The following ZNF567 variants were observed in gnomAD, a reference collection of about 807,000 sequenced individuals.
ZNF567 encodes zinc finger protein 567.
ZNF567 carries 36 observed loss-of-function variants against 53.9 expected under a neutral mutation model. The observed-to-expected ratio is 0.67, with a 90% CI of 0.51 to 0.88. The LOEUF (loss-of-function observed/expected upper bound fraction) is 0.88, where lower values mean the gene tolerates loss of function less well. Among genes scored for constraint, ZNF567 ranks in the 40% least tolerant of loss-of-function variants. The pLI is 0.00. For missense variants in ZNF567, 619 were observed against 764.7 expected, an observed-to-expected ratio of 0.81 and a Z score of 2.25; for synonymous variants, 224 against 260.4, an observed-to-expected ratio of 0.86 and a Z score of 1.35.
In ZNF567 at chr19:36,719,299, G is replaced by C; in HGVS notation, c.575G>C (p.Ser192Thr). Residue 192 changes from serine (S) to threonine (T), a missense_variant, in exon 6 of 6, where the codon AGT (serine) becomes ACT (threonine). By Grantham distance (58) the Ser-to-Thr change is moderately conservative. Coordinates refer to ENST00000682579, the MANE Select transcript of ZNF567 (RefSeq NM_001322917.1). ...KSHNQSARAFSHNEVLMQYQK... is the reference protein window; with the variant it reads ...KSHNQSARAFTHNEVLMQYQK... ...CATAATCAAAGTGCCAGAGCTTTCA[G>C]TCATAATGAAGTTCTTATGCAGTAT... 1 of 1,613,868 alleles carries C rather than the reference G, an allele frequency of 6.2e-7. No homozygotes were observed. The highest frequency in any genetic ancestry group is 2.2e-5 in the East Asian group (1 of 44,844).
At chr19:36,682,483 T>C in the ZNF567 span, among the ~76,000 whole-genome samples, 1,457 of 151,552 alleles carry the variant, frequency 9.6e-3, 12 homozygotes, top group Non-Finnish European at 0.014. Context: ...GTCAAACTAA[T>C]GGTTAACTTT....
intron 3 of ZNF567, 54 bp from the exon 4 acceptor site, chr19:36,712,332 A>T: frequency 6.4e-7 from 1 of 1,570,540 alleles, no homozygotes; most frequent in Non-Finnish European, 8.7e-7. Flanking sequence ...ACAGGCATGA[A>T]CCACTGTACC....
chr19:36,674,385 T>C, the ZNF567 span, among the ~76,000 whole-genome samples: 9 of 152,220 alleles, frequency 5.9e-5, no homozygotes, highest in Admixed American at 4.6e-4. Flanking sequence ...GTACAGGTGA[T>C]AACCCTGGGA....
chr19:36,682,613 A>T (rs2091262), upstream of ZNF567, among the ~76,000 whole-genome samples: 68,063 of 130,096 alleles, frequency 0.52, 18,405 homozygotes, highest in East Asian at 0.67. Context: ...TATTATTATT[A>T]TTTTTTTTTT....
chr19:36,721,663 T>G (rs1017073214), downstream of ZNF567, among the ~76,000 whole-genome samples: 2 of 151,834 alleles, frequency 1.3e-5, no homozygotes, highest in Non-Finnish European at 2.9e-5. Context: ...ATCAAGGAAT[T>G]AGAATTCATA....
At chr19:36,725,752 G>A (rs968389670), downstream of ZNF567, among the ~76,000 whole-genome samples, 6 of 152,030 alleles carry the variant, frequency 3.9e-5, no homozygotes, top group African/African-American at 1.4e-4. Flanking sequence ...GGATTTAAGC[G>A]ATCCTCCCAC....
chr19:36,688,741 A>G (rs2038410188), intron 1 of ZNF567, among the ~76,000 whole-genome samples: 1 of 148,216 alleles, frequency 6.7e-6, no homozygotes, highest in Admixed American at 6.8e-5. Context: ...CGGGAGGCGG[A>G]GCTTGCAGTG....
upstream of ZNF567, chr19:36,685,594 T>C (rs2038249723): frequency 6.6e-6 from 1 of 152,154 alleles, no homozygotes; most frequent in Non-Finnish European, 1.5e-5. Flanking sequence ...AATACTAAGA[T>C]AGACAAATGC....
chr19:36,718,505 AAAT>A (rs1240343894), intron 5 of ZNF567, among the ~76,000 whole-genome samples: 2 of 152,218 alleles, frequency 1.3e-5, no homozygotes, highest in Non-Finnish European at 2.9e-5. Context: ...TCTCAAAAAA[AAAT>A]AATAATAATT....
upstream of ZNF567, chr19:36,686,622 A>G (rs1040323012): frequency 6.6e-6 from 1 of 152,216 alleles, no homozygotes; most frequent in African/African-American, 2.4e-5. Context: ...CCTCTGAGGA[A>G]GGAATCCTAC....
At chr19:36,684,038 G>GT (rs2038226241), upstream of ZNF567, among the ~76,000 whole-genome samples, 1 of 152,124 alleles carries the variant, frequency 6.6e-6, no homozygotes, top group Non-Finnish European at 1.5e-5. Flanking sequence ...CATGTGCACA[G>GT]AAAAGGCATA....
At chr19:36,682,613 A>ATT (rs997139672), upstream of ZNF567, among the ~76,000 whole-genome samples, 7 of 130,700 alleles carry the variant, frequency 5.4e-5, no homozygotes, top group Non-Finnish European at 9.5e-5. Context: ...TATTATTATT[A>ATT]TTTTTTTTTT....
intron 3 of ZNF567, among the ~76,000 whole-genome samples, chr19:36,710,595 A>G (rs1185876770): frequency 6.6e-6 from 1 of 152,096 alleles, no homozygotes; most frequent in Non-Finnish European, 1.5e-5. Context: ...TTAGTTCTTC[A>G]AGCTTCTAGC....
chr19:36,724,654 C>G (rs1309369550), downstream of ZNF567, among the ~76,000 whole-genome samples: 1 of 147,654 alleles, frequency 6.8e-6, no homozygotes, highest in East Asian at 2.0e-4. Flanking sequence ...TGCACTCCAG[C>G]CTGCGCGAAA....
chr19:36,699,514 G>A (rs1019154072), intron 3 of ZNF567, among the ~76,000 whole-genome samples: 1 of 152,284 alleles, frequency 6.6e-6, no homozygotes, highest in Non-Finnish European at 1.5e-5. Flanking sequence ...ACCTTGGTCA[G>A]TATGGCCATT....
upstream of ZNF567, among the ~76,000 whole-genome samples, chr19:36,686,210 A>G (rs150178167): frequency 5.4e-4 from 82 of 152,358 alleles, no homozygotes; most frequent in African/African-American, 1.9e-3. Flanking sequence ...AAAATCAAAG[A>G]GAACAAAAAT....
chr19:36,722,865 G>A (rs1008907742), downstream of ZNF567, among the ~76,000 whole-genome samples: 2 of 152,126 alleles, frequency 1.3e-5, no homozygotes, highest in African/African-American at 4.8e-5. Flanking sequence ...AAACACACGT[G>A]TGTGTATGTG....
chr19:36,712,030 A>G (rs1340603258), intron 3 of ZNF567: 1 of 168,652 alleles, frequency 5.9e-6, no homozygotes, highest in East Asian at 1.8e-4. Context: ...AGTTCCCAAT[A>G]TCCAGTCCAC....
chr19:36,707,652 A>G (rs1386924388), intron 3 of ZNF567, among the ~76,000 whole-genome samples: 1 of 152,094 alleles, frequency 6.6e-6, no homozygotes, highest in African/African-American at 2.4e-5. Context: ...ATCTCAGCTC[A>G]CTGCAACCTC....
Sources: gnomAD v4.1 joint callset for allele counts (sites outside exome capture counted in the v4.1 genomes callset) on GRCh38, gnomAD v4.1.1 for gene constraint, MANE v1.5 for transcripts, NCBI Gene and HGNC (gene_info 2026-07-23, HGNC 2026-07-21) for gene names.